Variants in FER observed in about 807,000 individuals in gnomAD.
FER encodes the protein tyrosine-protein kinase Fer.
FER carries 63 observed loss-of-function variants against 111.0 expected under a neutral mutation model. The ratio of observed to expected loss-of-function variants is 0.57; its 90% CI spans 0.46 to 0.70. The LOEUF (loss-of-function observed/expected upper bound fraction) is 0.70, where lower values mean the gene tolerates loss of function less well. Among genes scored for constraint, FER ranks in the 30% least tolerant of loss-of-function variants. The probability of loss-of-function intolerance (pLI) is 0.00; values close to 1 mark genes in which losing one functional copy is unlikely to be tolerated. For missense variants in FER, 914 were observed against 954.0 expected, an observed-to-expected ratio of 0.96 and a Z score of 0.55; for synonymous variants, 327 against 313.9, an observed-to-expected ratio of 1.04 and a Z score of -0.44.
At chr5:109,070,147 T>C (rs1439632139) in intron 16 of FER, among the ~76,000 whole-genome samples, 1 of 151,594 alleles carries the variant, frequency 6.6e-6, no homozygotes, top group East Asian at 1.9e-4. Flanking sequence ...TTTTTTTTCA[T>C]CTCCGCAACC....
chr5:109,133,234 G>A (rs191305259), intron 17 of FER, among the ~76,000 whole-genome samples: 3 of 152,108 alleles, frequency 2.0e-5, no homozygotes, highest in East Asian at 3.9e-4. Context: ...ATTTCAGAAA[G>A]TGTTCCTTTT....
chr5:109,031,813 A>T (rs1769663580), intron 13 of FER, among the ~76,000 whole-genome samples: 1 of 152,188 alleles, frequency 6.6e-6, no homozygotes, highest in African/African-American at 2.4e-5. Context: ...TTTCTAGCAC[A>T]ATATGGCTTC....
In FER at chr5:109,156,423, A is replaced by G. The variant is rs901615670; in HGVS notation, c.2049-24324A>G. Reference sequence around the variant, plus strand: ...ATAAAGAAAGCAGATTTAGATTATGATAAATTTTAGGTAGCTGTAGGATAG... The same window carrying G: ...ATAAAGAAAGCAGATTTAGATTATGGTAAATTTTAGGTAGCTGTAGGATAG... On this transcript the variant is annotated intron_variant, in intron 17 of 19. Coordinates refer to ENST00000281092, the MANE Select transcript of FER (RefSeq NM_005246.4). Among the ~76,000 whole-genome samples the G allele has an allele frequency of 2.0e-5, 3 of 152,128 alleles. No homozygotes were observed. The East Asian group carries it at 5.8e-4, about 29-fold the overall frequency.
At chr5:108,748,775 C>T (rs965279040) in intron 1 of FER, 1 of 152,554 alleles carries the variant, frequency 6.6e-6, no homozygotes, top group Non-Finnish European at 1.5e-5. Context: ...CTCCCCGCCT[C>T]CTGGGAGGTA....
intron 17 of FER, among the ~76,000 whole-genome samples, chr5:109,156,123 T>A (rs531904050): frequency 1.6e-4 from 24 of 152,166 alleles, no homozygotes; most frequent in African/African-American, 5.3e-4. Flanking sequence ...ATGATAAGAT[T>A]TGTGTTATAG....
At chr5:108,879,672 C>A (rs1368854808) in intron 8 of FER, among the ~76,000 whole-genome samples, 18 of 113,166 alleles carry the variant, frequency 1.6e-4, no homozygotes, top group Admixed American at 1.4e-3. Flanking sequence ...AATACTTTCA[C>A]CATATGTATT....
intron 10 of FER, among the ~76,000 whole-genome samples, chr5:108,911,090 A>T (rs947593640): frequency 2.0e-5 from 3 of 152,178 alleles, no homozygotes; most frequent in Non-Finnish European, 4.4e-5. Flanking sequence ...TCCCACCAAC[A>T]GTGCATAACA....
chr5:108,999,212 G>A (rs1764394633), intron 13 of FER, among the ~76,000 whole-genome samples: 1 of 151,816 alleles, frequency 6.6e-6, no homozygotes, highest in Admixed American at 6.6e-5. Context: ...ACTTCACTGT[G>A]CTATTTGTAC....
At chr5:109,154,715 T>G (rs1755186275) in intron 17 of FER, among the ~76,000 whole-genome samples, 1 of 151,848 alleles carries the variant, frequency 6.6e-6, no homozygotes, top group South Asian at 2.1e-4. Flanking sequence ...TGTAACAAAT[T>G]ACCACAAATT....
intron 3 of FER, among the ~76,000 whole-genome samples, chr5:108,814,552 C>T (rs1168025514): frequency 6.6e-6 from 1 of 152,118 alleles, no homozygotes; most frequent in East Asian, 1.9e-4. Flanking sequence ...CTATATTTTG[C>T]AAGAATTGAT....
chr5:108,891,151 G>A (rs914628939), intron 9 of FER, among the ~76,000 whole-genome samples: 1 of 152,012 alleles, frequency 6.6e-6, no homozygotes, highest in Non-Finnish European at 1.5e-5. Flanking sequence ...TTTTCAATGT[G>A]CTGGTTTGTC....
At chr5:109,165,535 G>C (rs1215909653) in intron 17 of FER, among the ~76,000 whole-genome samples, 4 of 152,058 alleles carry the variant, frequency 2.6e-5, no homozygotes, top group African/African-American at 9.7e-5. Flanking sequence ...CCTCAGATGA[G>C]GGAAGGGTCA....
At chr5:109,100,893 C>A (rs953912182) in intron 17 of FER, among the ~76,000 whole-genome samples, 2 of 151,932 alleles carry the variant, frequency 1.3e-5, no homozygotes, top group African/African-American at 4.8e-5. Context: ...CATATGAAGT[C>A]ATGGAAAAGC....
chr5:109,176,569 G>A (rs922510355), intron 17 of FER, among the ~76,000 whole-genome samples: 4 of 152,126 alleles, frequency 2.6e-5, no homozygotes, highest in Non-Finnish European at 5.9e-5. Flanking sequence ...TTCTGTAGCA[G>A]TGTAGAATGA....
At chr5:108,969,616 T>TTTTTTTTTTTTTTTTTTTTTTTTGA (rs1561695264) in intron 13 of FER, among the ~76,000 whole-genome samples, 7 of 149,048 alleles carry the variant, frequency 4.7e-5, no homozygotes, top group African/African-American at 1.8e-4. Flanking sequence ...TTAATTTTTT[T>TTTTTTTTTTTTTTTTTTTTTTTTGA]GAACACTGTG....
intron 13 of FER, among the ~76,000 whole-genome samples, chr5:108,966,075 A>G (rs1286380714): frequency 6.6e-6 from 1 of 152,220 alleles, no homozygotes; most frequent in Non-Finnish European, 1.5e-5. Context: ...AGACTTTAGA[A>G]ACCACTGATG....
chr5:109,150,161 G>A (rs1754669108), intron 17 of FER, among the ~76,000 whole-genome samples: 1 of 152,044 alleles, frequency 6.6e-6, no homozygotes, highest in South Asian at 2.1e-4. Flanking sequence ...CACTGCCTTA[G>A]ACTGAGCATC....
At chr5:108,828,120 T>C (rs936004565) in intron 3 of FER, among the ~76,000 whole-genome samples, 1 of 152,140 alleles carries the variant, frequency 6.6e-6, no homozygotes, top group African/African-American at 2.4e-5. Context: ...TCCTCCCACC[T>C]TGGCCTCCCC....
intron 17 of FER, among the ~76,000 whole-genome samples, chr5:109,114,269 T>C (rs1749973576): frequency 6.6e-6 from 1 of 152,176 alleles, no homozygotes; most frequent in South Asian, 2.1e-4. Context: ...AGTAATTTAT[T>C]TCCCAGTAGC....
Sources: gnomAD v4.1 joint callset for allele counts (sites outside exome capture counted in the v4.1 genomes callset) on GRCh38, gnomAD v4.1.1 for gene constraint, MANE v1.5 for transcripts, NCBI Gene and HGNC (gene_info 2026-07-23, HGNC 2026-07-21) for gene names.